KIAA2012: variants seen among roughly 807,000 people sequenced by gnomAD.
The protein encoded by KIAA2012 is uncharacterized protein KIAA2012.
In KIAA2012, 125 loss-of-function variants were observed where a neutral mutation model predicts 150.6. That is an observed-to-expected ratio of 0.83 (90% CI 0.72 to 0.96). The LOEUF (loss-of-function observed/expected upper bound fraction) is 0.96, where lower values mean the gene tolerates loss of function less well. KIAA2012 is among the 40% of genes least tolerant of loss of function. KIAA2012 has a pLI of 0.00. For synonymous variants in KIAA2012, 462 were observed against 504.7 expected (o/e 0.92, Z 1.13); for missense variants, 1,219 against 1,354.9 (o/e 0.90, Z 1.57).
At chr2:202,140,551 G>A (rs1490326105) in intron 13 of KIAA2012, among the ~76,000 whole-genome samples, 2 of 152,174 alleles carry the variant, frequency 1.3e-5, no homozygotes, top group Admixed American at 1.3e-4. Flanking sequence ...AAACAGGGTG[G>A]GAGGGAGGTG....
chr2:202,113,207 T>G (rs1690422163), intron 10 of KIAA2012, 129 bp from the exon 11 acceptor site: 1 of 644,598 alleles, frequency 1.6e-6, no homozygotes, highest in East Asian at 2.8e-5. Flanking sequence ...TATACTCTGG[T>G]GGGCACCCAA....
rs1484106289 is a variant in KIAA2012, at chr2:202,190,203, A to G, written c.2521A>G (p.Lys841Glu). The G allele has an allele frequency of 6.6e-7, 1 of 1,521,182 alleles. No homozygotes were observed. The highest frequency in any genetic ancestry group is 2.4e-5 in the East Asian group (1 of 40,852). The allele number at this position is 1,521,182 out of a possible 1,614,324, so 94.2% of individuals were successfully genotyped here. A position where few individuals can be genotyped will look rare whatever the true frequency, so the allele number is the denominator to read the frequency against. The change falls in exon 19 of 24, where the codon AAA becomes GAA. Residue 841 changes from lysine (K) to glutamate (E), a missense_variant. Coordinates refer to ENST00000498697, the MANE Select transcript of KIAA2012 (RefSeq NM_001277372.4). Reference protein sequence around the residue: ...GKSKDSKAKKKLEKKTRPQRK... With the variant: ...GKSKDSKAKKELEKKTRPQRK... ...GTCAAAGGACTCAAAGGCTAAAAAA[A>G]AATTAGAAAAAAAAACAAGACCCCA... is the stretch of plus-strand genomic sequence containing the variant.
chr2:202,138,378 T>A, intron 12 of KIAA2012, 54 bp from the exon 13 acceptor site: 1 of 1,313,560 alleles, frequency 7.6e-7, no homozygotes, highest in African/African-American at 1.5e-5. Flanking sequence ...TAAAAAGTCA[T>A]GAGATCCAGA....
chr2:202,201,358 G>A, intron 22 of KIAA2012: 1 of 1,583,912 alleles, frequency 6.3e-7, no homozygotes, highest in Non-Finnish European at 8.7e-7. Flanking sequence ...GTCTTTCCCG[G>A]CACAAAGGTG....
chr2:202,165,104 G>A, intron 14 of KIAA2012, among the ~76,000 whole-genome samples, 180 bp from the exon 15 acceptor site: 1 of 152,140 alleles, frequency 6.6e-6, no homozygotes, highest in Non-Finnish European at 1.5e-5. Flanking sequence ...GGCTCTTTAA[G>A]CCTGTTTAAC....
At chr2:202,092,917 A>C in intron 3 of KIAA2012, 113 bp from the exon 4 acceptor site, 1 of 844,794 alleles carries the variant, frequency 1.2e-6, no homozygotes, top group Middle Eastern at 2.3e-4. Flanking sequence ...GTCTTCCCTA[A>C]TGGGCAATGT....
intron 11 of KIAA2012, among the ~76,000 whole-genome samples, chr2:202,123,902 C>T (rs1690713545): frequency 6.6e-6 from 1 of 151,984 alleles, no homozygotes; most frequent in African/African-American, 2.4e-5. Flanking sequence ...AAAAACCTTT[C>T]TTCCTGCTGG....
intron 2 of KIAA2012, among the ~76,000 whole-genome samples, chr2:202,089,218 C>T (rs1689656637): frequency 6.6e-6 from 1 of 152,186 alleles, no homozygotes; most frequent in Non-Finnish European, 1.5e-5. Flanking sequence ...TATTCTCTAG[C>T]CTTTGGTCTT....
chr2:202,074,898 T>C lies in KIAA2012; in HGVS notation c.92T>C (p.Leu31Ser). The C allele has an allele frequency of 1.3e-6, 2 of 1,545,008 alleles. No homozygotes were observed. Among genetic ancestry groups the C allele is most frequent in the Admixed American group, 2.0e-5 (1 of 49,606 alleles). ...LEVYFEPEDY[L>S]NWRSPEDYVP... ...GGCTGCTTCTCATTGCAGGATTACTTGAACTGGAGGTCCCCAGAAGACTAT... is the reference window on the plus strand; with the variant it reads ...GGCTGCTTCTCATTGCAGGATTACTCGAACTGGAGGTCCCCAGAAGACTAT... Residue 31 changes from leucine to serine, a missense_variant, in exon 2 of 24, where the codon TTG (leucine) becomes TCG (serine). By Grantham distance (145) the Leu-to-Ser change is moderately radical. Transcript: ENST00000498697.
At chr2:202,096,500 A>C (rs999971878) in intron 4 of KIAA2012, among the ~76,000 whole-genome samples, 5 of 152,146 alleles carry the variant, frequency 3.3e-5, no homozygotes, top group African/African-American at 7.2e-5. Context: ...AGCTGGAGGG[A>C]GGGAGTAGCC....
rs967324765 is a variant in KIAA2012 at position 202,086,567 on chromosome 2, A to G, written c.370-4203A>G. Among the ~76,000 whole-genome samples, 5 of 152,218 alleles carry G rather than the reference A, an allele frequency of 3.3e-5. No individual in the cohort carries two copies. In the East Asian group the frequency reaches 9.6e-4, roughly 29 times the overall value. On this transcript the variant is annotated intron_variant, in intron 2 of 23. Transcript: ENST00000498697. ...CCTCTGGGAAAAGCCTCAAGACCAC[A>G]TGAGACTGAATTTCTAGGCTGTTTT...
chr2:202,170,780 A>G (rs1559227501), intron 15 of KIAA2012, among the ~76,000 whole-genome samples: 14 of 152,188 alleles, frequency 9.2e-5, no homozygotes, highest in Admixed American at 9.2e-4. Context: ...GCGTTCACCC[A>G]TTTGTGATGA....
chr2:202,134,413 G>A (rs1425951222), intron 12 of KIAA2012, among the ~76,000 whole-genome samples: 1 of 152,184 alleles, frequency 6.6e-6, no homozygotes, highest in Non-Finnish European at 1.5e-5. Context: ...ATCTAGGAAG[G>A]AGCCAGGTGG....
intron 12 of KIAA2012, among the ~76,000 whole-genome samples, chr2:202,132,939 AC>A (rs1424281711): frequency 1.4e-5 from 2 of 138,618 alleles, no homozygotes; most frequent in African/African-American, 5.4e-5. Flanking sequence ...TACTAAAAAT[AC>A]AAAAAAAAAA....
chr2:202,197,394 G>T, intron 22 of KIAA2012: 1 of 270,160 alleles, frequency 3.7e-6, no homozygotes. Context: ...GATATCTACT[G>T]AGTGCCTGTT....
In KIAA2012 at chr2:202,097,458, G is replaced by A. The variant is rs267599160; in HGVS notation, c.709G>A (p.Glu237Lys). 6.4e-7 allele frequency: 1 copy of A among 1,550,586 alleles called. No homozygotes were observed. The highest frequency in any genetic ancestry group is 8.7e-7 in the Non-Finnish European group (1 of 1,146,974). The change falls in exon 5 of 24, where the codon GAA (glutamate) becomes AAA (lysine). Residue 237 changes from glutamate (E) to lysine (K), a missense_variant. Coordinates refer to ENST00000498697, the MANE Select transcript of KIAA2012 (RefSeq NM_001277372.4). ...AGGTCAACAGGGCCTGGATGAAGGG[G>A]AAGCTGGAGCTGCTGGACACGTGGA... ...EQRQQGLDEG[E>K]AGAAGHVDQG...
At chr2:202,133,830 C>T (rs185506939) in intron 12 of KIAA2012, among the ~76,000 whole-genome samples, 110 of 152,276 alleles carry the variant, frequency 7.2e-4, no homozygotes, top group Admixed American at 1.5e-3. Context: ...AACAAGCAGA[C>T]TCAAAATTTA....
intron 14 of KIAA2012, among the ~76,000 whole-genome samples, chr2:202,155,451 A>G (rs928667699): frequency 1.2e-4 from 18 of 151,792 alleles, no homozygotes; most frequent in African/African-American, 3.6e-4. Flanking sequence ...TTCATCGCAC[A>G]CTCTCTGGTT....
intron 19 of KIAA2012, among the ~76,000 whole-genome samples, chr2:202,192,811 A>G (rs778552790): frequency 6.6e-6 from 1 of 152,062 alleles, no homozygotes; most frequent in Non-Finnish European, 1.5e-5. Flanking sequence ...GTGCAGTGGC[A>G]TGATCATAGG....
Sources: gnomAD v4.1 joint callset for allele counts (sites outside exome capture counted in the v4.1 genomes callset) on GRCh38, gnomAD v4.1.1 for gene constraint, MANE v1.5 for transcripts, NCBI Gene and HGNC (gene_info 2026-07-23, HGNC 2026-07-21) for gene names.